CSMD1: variants seen among roughly 807,000 people sequenced by gnomAD.
CSMD1 encodes CUB and Sushi multiple domains 1.
A neutral mutation model predicts 417.5 loss-of-function variants in CSMD1; 213 were observed. That is an observed-to-expected ratio of 0.51 (90% CI 0.46 to 0.57). The LOEUF (loss-of-function observed/expected upper bound fraction) is 0.57, where lower values mean the gene tolerates loss of function less well. Ranked by LOEUF, CSMD1 falls within the 20% of genes least tolerant of loss-of-function variation. The pLI is 0.00. For missense variants in CSMD1, 6,923 were observed against 4,529.7 expected, an observed-to-expected ratio of 1.53 and a Z score of -15.17; for synonymous variants, 2,862 against 1,736.8, an observed-to-expected ratio of 1.65 and a Z score of -16.11.
At chr8:3,960,523 G>A (rs911708896) in intron 5 of CSMD1, among the ~76,000 whole-genome samples, 4 of 152,058 alleles carry the variant, frequency 2.6e-5, no homozygotes, top group African/African-American at 9.7e-5. Context: ...TTAAAAATTA[G>A]CATTTAAGTG....
intron 3 of CSMD1, among the ~76,000 whole-genome samples, chr8:4,366,644 T>G (rs866484329): frequency 6.6e-6 from 1 of 152,180 alleles, no homozygotes; most frequent in Non-Finnish European, 1.5e-5. Flanking sequence ...AGATGGTATC[T>G]CATCGTGGTT....
intron 3 of CSMD1, among the ~76,000 whole-genome samples, chr8:4,341,312 A>T (rs1369348664): frequency 6.6e-6 from 1 of 152,136 alleles, no homozygotes; most frequent in Non-Finnish European, 1.5e-5. Context: ...TAAGCAATCA[A>T]TCATATCACT....
chr8:3,913,410 C>G (rs1033638968), intron 5 of CSMD1, among the ~76,000 whole-genome samples: 1 of 152,190 alleles, frequency 6.6e-6, no homozygotes, highest in Non-Finnish European at 1.5e-5. Flanking sequence ...AGAAGCAAAC[C>G]ACTGGGATGT....
At chr8:4,969,237 C>G (rs1810088419) in intron 1 of CSMD1, among the ~76,000 whole-genome samples, 1 of 151,998 alleles carries the variant, frequency 6.6e-6, no homozygotes. Flanking sequence ...AAACCTAATG[C>G]TTAGTAAGTT....
At chr8:3,816,837 T>A (rs1038711392) in intron 5 of CSMD1, among the ~76,000 whole-genome samples, 26 of 152,148 alleles carry the variant, frequency 1.7e-4, no homozygotes, top group Non-Finnish European at 2.5e-4. Flanking sequence ...AGGTGTCTAC[T>A]AGGGGTTTGG....
chr8:4,132,028 T>C (rs1197466030), intron 3 of CSMD1, among the ~76,000 whole-genome samples: 1 of 152,056 alleles, frequency 6.6e-6, no homozygotes, highest in African/African-American at 2.4e-5. Context: ...TCTATCAGAA[T>C]CCCTTCTTGA....
At chr8:4,643,456 C>T (rs1308175011) in intron 1 of CSMD1, among the ~76,000 whole-genome samples, 1 of 152,156 alleles carries the variant, frequency 6.6e-6, no homozygotes, top group Non-Finnish European at 1.5e-5. Context: ...TTTTCTGGAA[C>T]ACTAAACATT....
At chr8:4,244,520 CAAAT>C (rs1802583440) in intron 3 of CSMD1, among the ~76,000 whole-genome samples, 3 of 151,460 alleles carry the variant, frequency 2.0e-5, no homozygotes, top group Admixed American at 2.0e-4. Context: ...GTTAGCAAGT[CAAAT>C]AAAATTTTCT....
intron 26 of CSMD1, among the ~76,000 whole-genome samples, chr8:3,254,119 C>G (rs546857390): frequency 6.6e-5 from 10 of 152,258 alleles, no homozygotes; most frequent in Admixed American, 6.5e-4. Context: ...GATTTTATTT[C>G]TCCTTCACTT....
At chr8:4,662,136 C>G (rs1182616460) in intron 1 of CSMD1, among the ~76,000 whole-genome samples, 1 of 152,026 alleles carries the variant, frequency 6.6e-6, no homozygotes, top group African/African-American at 2.4e-5. Flanking sequence ...GATTGCAGTA[C>G]AATATATAAA....
intron 3 of CSMD1, among the ~76,000 whole-genome samples, chr8:4,338,040 G>A (rs564625383): frequency 1.3e-5 from 2 of 152,182 alleles, no homozygotes; most frequent in East Asian, 1.9e-4. Context: ...TTTATTCCAA[G>A]AATCTGCTTC....
At chr8:3,278,667 T>C (rs1802496720) in intron 26 of CSMD1, 1 of 151,580 alleles carries the variant, frequency 6.6e-6, no homozygotes, top group Non-Finnish European at 1.5e-5. Flanking sequence ...TTTTTTTTGG[T>C]CCCAGGTTCA....
At chr8:3,635,793 C>CAAAAAAAAAAAAAAAAAAAAAAAA (rs752552617) in intron 7 of CSMD1, among the ~76,000 whole-genome samples, 17 of 99,238 alleles carry the variant, frequency 1.7e-4, no homozygotes, top group South Asian at 3.2e-4. Flanking sequence ...GCTTCCATCT[C>CAAAAAAAAAAAAAAAAAAAAAAAA]AAAAAAAAAA....
intron 23 of CSMD1, among the ~76,000 whole-genome samples, chr8:3,333,133 A>G (rs1807017124): frequency 6.6e-6 from 1 of 152,128 alleles, no homozygotes; most frequent in African/African-American, 2.4e-5. Context: ...GACCACTGTG[A>G]CGACCTGAGT....
chr8:4,145,560 A>G lies in CSMD1; in HGVS notation c.416-113461T>C, dbSNP rs559477399. Among the ~76,000 whole-genome samples, 8 of 151,044 alleles carry G rather than the reference A, an allele frequency of 5.3e-5. No homozygotes were observed. In the South Asian group the frequency reaches 1.7e-3, roughly 31 times the overall value. On this transcript the variant is annotated intron_variant, in intron 3 of 69. Transcript: ENST00000635120. The stretch of plus-strand genomic sequence containing the variant: ...AGAATTTCTTTATTATTACATTGTT[A>G]TTATTTTTTGTGGAGAGACGGTCTC...
chr8:3,832,761 G>C (rs980099732), intron 5 of CSMD1, among the ~76,000 whole-genome samples: 14 of 152,080 alleles, frequency 9.2e-5, no homozygotes, highest in African/African-American at 3.4e-4. Flanking sequence ...AATATGATCA[G>C]ATTTTTAACT....
In CSMD1 at chr8:3,176,644, A is replaced by G. The variant is rs563852545; in HGVS notation, c.5725+4466T>C. On this transcript the variant is annotated intron_variant, in intron 37 of 69. Transcript: ENST00000635120. ...ACTTGGGATGTAGAGATCTGCAAAA[A>G]AGAACATCCCTCCCACTTTAACAAC... Among the ~76,000 whole-genome samples, 8 of 152,348 alleles carry G rather than the reference A, an allele frequency of 5.3e-5. No individual in the cohort carries two copies. The East Asian group carries it at 1.5e-3, about 29-fold the overall frequency.
intron 7 of CSMD1, among the ~76,000 whole-genome samples, chr8:3,671,066 A>G (rs1403221092): frequency 7.3e-6 from 1 of 136,652 alleles, no homozygotes; most frequent in African/African-American, 2.6e-5. Flanking sequence ...ATATATATGT[A>G]TATGGGATAT....
chr8:3,033,300 C>T (rs1248886725), intron 50 of CSMD1, among the ~76,000 whole-genome samples: 3 of 151,980 alleles, frequency 2.0e-5, no homozygotes, highest in Non-Finnish European at 4.4e-5. Flanking sequence ...TGTTGATAAT[C>T]TACATTCAAC....
Sources: allele counts gnomAD v4.1 joint callset (sites outside exome capture counted in the v4.1 genomes callset), GRCh38; gene constraint gnomAD v4.1.1; transcripts MANE v1.5; gene names NCBI Gene and HGNC (gene_info 2026-07-23, HGNC 2026-07-21).